RNFT2: variants seen among roughly 807,000 people sequenced by gnomAD.
RNFT2 encodes ring finger protein, transmembrane 2, also known as E3 ubiquitin-protein ligase RNFT2.
Under a neutral mutation model 53.0 loss-of-function variants are expected in RNFT2, and 36 were observed. That is an observed-to-expected ratio of 0.68 (90% CI 0.52 to 0.90). The LOEUF is 0.90. RNFT2 is among the 40% of genes least tolerant of loss of function. The pLI, the probability that RNFT2 is intolerant of heterozygous loss-of-function variation, is 0.00. For synonymous variants in RNFT2, 260 were observed against 253.2 expected, an observed-to-expected ratio of 1.03 and a Z score of -0.26; for missense variants, 514 against 585.6, an observed-to-expected ratio of 0.88 and a Z score of 1.26.
At chr12:116,849,176 C>T (rs4767461) in intron 10 of RNFT2, 138 bp from the exon 11 acceptor site, 395,533 of 611,004 alleles carry the variant, frequency 0.65, 139,447 homozygotes, top group Admixed American at 0.74. Flanking sequence ...TTTGGAGTCG[C>T]ATTGTCTCCC....
At chr12:116,759,503 A>C (rs1254069902) in intron 5 of RNFT2, among the ~76,000 whole-genome samples, 1 of 152,152 alleles carries the variant, frequency 6.6e-6, no homozygotes, top group Admixed American at 6.5e-5. Flanking sequence ...GTCAGACGGA[A>C]GGTCTAGGGC....
At chr12:116,808,972 A>G (rs1224842032) in intron 7 of RNFT2, among the ~76,000 whole-genome samples, 1 of 152,146 alleles carries the variant, frequency 6.6e-6, no homozygotes, top group Non-Finnish European at 1.5e-5. Context: ...CCCAGCTGCC[A>G]TCAGCCCCTT....
intron 7 of RNFT2, among the ~76,000 whole-genome samples, chr12:116,822,616 T>TTG (rs1472222455): frequency 1.3e-5 from 2 of 152,162 alleles, no homozygotes; most frequent in Non-Finnish European, 2.9e-5. Context: ...TACTACCACC[T>TTG]GCAGTGAGTC....
intron 7 of RNFT2, among the ~76,000 whole-genome samples, chr12:116,794,300 T>A (rs1874380126): frequency 2.0e-5 from 3 of 151,236 alleles, no homozygotes. Flanking sequence ...TATTAGAAGG[T>A]TTAAAACCAG....
intron 7 of RNFT2, among the ~76,000 whole-genome samples, chr12:116,793,210 C>CTT (rs35482097): frequency 0.014 from 1,644 of 120,604 alleles, 41 homozygotes; most frequent in Middle Eastern, 0.018. Context: ...ATCCAGATAG[C>CTT]TTTTTTTTTT....
At chr12:116,822,551 G>A (rs1876098904) in intron 7 of RNFT2, among the ~76,000 whole-genome samples, 2 of 152,220 alleles carry the variant, frequency 1.3e-5, no homozygotes, top group South Asian at 2.1e-4. Flanking sequence ...TGTGCACAGA[G>A]TGGTGCCTAG....
At position 116,779,187 on chromosome 12, in the gene RNFT2, C is replaced by T. The variant is rs772675497; in HGVS notation, c.729-8C>T. 2.5e-6 allele frequency: 4 copies of T among 1,613,536 alleles called. No homozygotes were observed. In the East Asian group the frequency reaches 8.9e-5, roughly 36 times the overall value. On this transcript the variant is annotated splice_polypyrimidine_tract_variant and splice_region_variant and intron_variant, in intron 6 of 10. Transcript: ENST00000257575. ...GGAACCTTCTGACTCTCTCAATCCT[C>T]CCCCCAGCCTCATATTCCTGAAGCC...
intron 6 of RNFT2, among the ~76,000 whole-genome samples, chr12:116,769,687 A>C (rs917745069): frequency 1.3e-5 from 2 of 152,216 alleles, no homozygotes; most frequent in African/African-American, 4.8e-5. Context: ...CCAAGTAAAA[A>C]TGTTACAGTA....
intron 7 of RNFT2, among the ~76,000 whole-genome samples, chr12:116,805,446 G>A (rs964392191): frequency 7.2e-5 from 11 of 152,096 alleles, no homozygotes; most frequent in African/African-American, 2.2e-4. Flanking sequence ...GAAAGCTCTT[G>A]GAAGGAGCTG....
chr12:116,852,727 C>A lies in RNFT2; in HGVS notation c.*3279C>A, dbSNP rs780428787. On this transcript the variant is annotated 3_prime_UTR_variant, in exon 11 of 11. Transcript: ENST00000257575. ...CAGGTGTGTAAGGAAATAGAACAGT[C>A]TGCTGGGAGTCAGACCTGGAATTCT... is the stretch of plus-strand genomic sequence containing the variant. 17 of 1,611,072 alleles carry A rather than the reference C, an allele frequency of 1.1e-5. No individual in the cohort carries two copies. In the Admixed American group the frequency reaches 1.2e-4, roughly 11 times the overall value.
intron 7 of RNFT2, among the ~76,000 whole-genome samples, chr12:116,791,783 T>C (rs528759448): frequency 6.6e-6 from 1 of 152,322 alleles, no homozygotes; most frequent in South Asian, 2.1e-4. Context: ...TTGTGGTAAA[T>C]ACATAGGCAG....
chr12:116,771,990 C>T (rs1873219565), intron 6 of RNFT2, among the ~76,000 whole-genome samples: 1 of 152,208 alleles, frequency 6.6e-6, no homozygotes, highest in Admixed American at 6.6e-5. Flanking sequence ...GGCTGCTTGC[C>T]AGCCTCCGAT....
chr12:116,831,185 C>T (rs1348160578), intron 7 of RNFT2, among the ~76,000 whole-genome samples: 1 of 112,686 alleles, frequency 8.9e-6, no homozygotes, highest in Non-Finnish European at 2.0e-5. Flanking sequence ...CACAGCATGA[C>T]CTCGTCTCTC....
intron 6 of RNFT2, among the ~76,000 whole-genome samples, chr12:116,778,619 G>A (rs563020917): frequency 6.6e-6 from 1 of 152,386 alleles, no homozygotes; most frequent in South Asian, 2.1e-4. Context: ...GAAGGCTGAG[G>A]CGGGTGGATC....
In RNFT2 at chr12:116,852,856, C is replaced by A; in HGVS notation, c.*3408C>A. On this transcript the variant is annotated 3_prime_UTR_variant, in exon 11 of 11. Transcript: ENST00000257575. Reference sequence around the variant, plus strand: ...TACCTGCTGGAACCAAGGAAACTAACAATGTAGGTTACTAGTGAATACCCC... The same window carrying A: ...TACCTGCTGGAACCAAGGAAACTAAAAATGTAGGTTACTAGTGAATACCCC... 1.3e-6 allele frequency: 1 copy of A among 750,360 alleles called. No individual in the cohort carries two copies. The highest frequency in any genetic ancestry group is 2.2e-6 in the Non-Finnish European group (1 of 449,846). The allele number at this position is 750,360 out of a possible 1,614,324, so 46.5% of individuals were successfully genotyped here.
At chr12:116,764,534 T>C (rs967291921) in intron 5 of RNFT2, among the ~76,000 whole-genome samples, 2 of 151,884 alleles carry the variant, frequency 1.3e-5, no homozygotes, top group Non-Finnish European at 2.9e-5. Context: ...GGGGACAGAG[T>C]CAGAGGTCCT....
intron 7 of RNFT2, among the ~76,000 whole-genome samples, chr12:116,799,203 T>G (rs1874650063): frequency 6.6e-6 from 1 of 152,194 alleles, no homozygotes; most frequent in African/African-American, 2.4e-5. Context: ...GAAGCCACGC[T>G]CCAGTCCTTG....
Position 116,741,104 on chromosome 12 carries a change from C to T in RNFT2, c.83+10C>T, listed in dbSNP as rs776075345. The T allele has an allele frequency of 3.1e-6, 5 of 1,605,038 alleles. No homozygotes were observed. In the Admixed American group the frequency reaches 5.1e-5, roughly 16 times the overall value. ...ACATTCCACCTGAAAGGTAGGCATCCCTGCTTCTGTTCCATCTGAGGGCTC... is the reference window on the plus strand; with the variant it reads ...ACATTCCACCTGAAAGGTAGGCATCTCTGCTTCTGTTCCATCTGAGGGCTC... On this transcript the variant is annotated intron_variant, in intron 3 of 10. Coordinates refer to ENST00000257575, the MANE Select transcript of RNFT2 (RefSeq NM_001382266.1).
rs550055486 is a variant in RNFT2, at chr12:116,789,722, T to C, written c.882+10374T>C. On this transcript the variant is annotated intron_variant, in intron 7 of 10. Coordinates refer to ENST00000257575, the MANE Select transcript of RNFT2 (RefSeq NM_001382266.1). Reference sequence around the variant, plus strand: ...GGTGGATGGATAAATGGGAGAAGAGTAGATGGATGGATGGATGGGTGGATG... The same window carrying C: ...GGTGGATGGATAAATGGGAGAAGAGCAGATGGATGGATGGATGGGTGGATG... 2.5e-3 allele frequency among the ~76,000 whole-genome samples: 323 copies of C among 127,206 alleles called. 2 individuals carry two copies. Among genetic ancestry groups the C allele is most frequent in the African/African-American group, 9.7e-3 (315 of 32,338 alleles). The allele number at this position is 127,206 out of a possible 152,430, so 83.5% of individuals were successfully genotyped here.
Sources: allele counts gnomAD v4.1 joint callset (sites outside exome capture counted in the v4.1 genomes callset), GRCh38; gene constraint gnomAD v4.1.1; transcripts MANE v1.5; gene names NCBI Gene and HGNC (gene_info 2026-07-23, HGNC 2026-07-21).